Variants in CNNM3 observed in about 807,000 individuals in gnomAD.
The protein encoded by CNNM3 is cyclin and CBS domain divalent metal cation transport mediator 3.
Under a neutral mutation model 57.1 loss-of-function variants are expected in CNNM3, and 47 were observed. The ratio of observed to expected loss-of-function variants is 0.82; its 90% confidence interval spans 0.65 to 1.05. CNNM3 has a LOEUF of 1.05. Ranked by LOEUF, CNNM3 falls within the 50% of genes least tolerant of loss-of-function variation. The probability of loss-of-function intolerance (pLI) is 0.00; values close to 1 mark genes in which losing one functional copy is unlikely to be tolerated. For synonymous variants in CNNM3, 507 were observed against 478.2 expected, an observed-to-expected ratio of 1.06 and a Z score of -0.79; for missense variants, 957 against 973.7, an observed-to-expected ratio of 0.98 and a Z score of 0.23.
chr2:96,835,199 G>A lies in CNNM3; in HGVS notation c.*2583G>A, dbSNP rs77466423. On this transcript the variant is annotated 3_prime_UTR_variant, in exon 8 of 8. Transcript: ENST00000305510. ...ATGGGAGCATAGTGTGTAAGCATTCGGGATTGTCTTTTTTCACTCGGCGTC... is the reference window on the plus strand; with the variant it reads ...ATGGGAGCATAGTGTGTAAGCATTCAGGATTGTCTTTTTTCACTCGGCGTC... Among the ~76,000 whole-genome samples, 4,754 of 152,172 alleles carry A rather than the reference G, an allele frequency of 0.031. 259 individuals are homozygous for A. Among genetic ancestry groups the A allele is most frequent in the African/African-American group, 0.11 (4,558 of 41,488 alleles).
intron 1 of CNNM3, among the ~76,000 whole-genome samples, chr2:96,823,946 T>C (rs2079450958): frequency 6.6e-6 from 1 of 152,382 alleles, no homozygotes; most frequent in South Asian, 2.1e-4. Context: ...GAGTGCAACA[T>C]AGACAAAATG....
intron 7 of CNNM3, among the ~76,000 whole-genome samples, chr2:96,831,135 T>C (rs1048674791): frequency 1.3e-5 from 2 of 152,218 alleles, no homozygotes; most frequent in African/African-American, 4.8e-5. Context: ...AGTGGCTTTG[T>C]GGGTCATTTC....
Position 96,832,807 on chromosome 2 carries a change from C to T in CNNM3, c.*191C>T. ...CCTGGATCCTTCAGCCGGCCCTGCC[C>T]TCCTTTAGGAGACAGGAGTCACCAG... On this transcript the variant is annotated 3_prime_UTR_variant, in exon 8 of 8. Coordinates refer to ENST00000305510, the MANE Select transcript of CNNM3 (RefSeq NM_017623.5). 1 of 1,504,236 alleles carries T rather than the reference C, an allele frequency of 6.6e-7. No homozygotes were observed. Among genetic ancestry groups the T allele is most frequent in the Non-Finnish European group, 8.9e-7 (1 of 1,127,740 alleles). 93.2% of individuals were successfully genotyped at this position (1,504,236 alleles called of 1,614,324 possible).
intron 5 of CNNM3, 178 bp downstream of exon 5, chr2:96,828,373 A>G (rs1470252640): frequency 4.8e-6 from 4 of 835,362 alleles, no homozygotes; most frequent in South Asian, 3.4e-5. Context: ...TCATCGCTCA[A>G]CTTTGTGGCC....
intron 2 of CNNM3, among the ~76,000 whole-genome samples, chr2:96,825,994 GTC>G (rs1398217516): frequency 6.6e-6 from 1 of 152,010 alleles, no homozygotes; most frequent in East Asian, 1.9e-4. Context: ...GCTGTACAGA[GTC>G]TGTGCGTCAT....
At chr2:96,828,389 C>G in intron 5 of CNNM3, 178 bp from the exon 6 acceptor site, 2 of 883,712 alleles carry the variant, frequency 2.3e-6, no homozygotes, top group South Asian at 3.4e-5. Context: ...TGGCCCACTC[C>G]ACCCCTGCAA....
At chr2:96,819,976 C>T (rs1235565817) in intron 1 of CNNM3, among the ~76,000 whole-genome samples, 3 of 152,126 alleles carry the variant, frequency 2.0e-5, no homozygotes, top group Admixed American at 1.3e-4. Flanking sequence ...TGTTCATGTT[C>T]GTTGGGAAGG....
chr2:96,817,075 T>C lies in CNNM3; in HGVS notation c.798T>C (p.Thr266=), dbSNP rs1574096644. The part of the protein sequence containing the change: ...LGLSRLAVLL[T]LPVALPVGQL... ...TCAGCCGCCTGGCCGTCCTGCTCACTCTGCCCGTCGCGCTGCCCGTGGGGC... is the reference window on the plus strand; with the variant it reads ...TCAGCCGCCTGGCCGTCCTGCTCACCCTGCCCGTCGCGCTGCCCGTGGGGC... The change falls in exon 1 of 8, where the codon ACT becomes ACC. Residue 266 remains threonine, a synonymous_variant. Coordinates refer to ENST00000305510, the MANE Select transcript of CNNM3 (RefSeq NM_017623.5). The C allele has an allele frequency of 2.2e-6, 3 of 1,357,708 alleles. No homozygotes were observed. The East Asian group carries it at 9.5e-5, about 43-fold the overall frequency. 84.1% of individuals were successfully genotyped at this position (1,357,708 alleles called of 1,614,324 possible).
chr2:96,831,387 A>G (rs961264250), intron 7 of CNNM3, among the ~76,000 whole-genome samples: 5 of 152,158 alleles, frequency 3.3e-5, no homozygotes, highest in South Asian at 2.1e-4. Flanking sequence ...GTTTCTGGAG[A>G]CCTTGGCACT....
chr2:96,816,932 C>T lies in CNNM3; in HGVS notation c.655C>T (p.Gln219Ter). Residue 219 changes from glutamine to a stop codon, truncating the protein, a stop_gained, in exon 1 of 8, where the codon CAG (glutamine) becomes TAG (stop). Transcript: ENST00000305510. LOFTEE classifies it high-confidence loss of function. ...LAVLLYRAAG[Q>*]RAVPAVLGSA... Reference sequence around the variant, plus strand: ...GGTGCTGCTGTACCGCGCGGCCGGCCAGCGTGCGGTGCCCGCCGTGTTGGG... The same window carrying T: ...GGTGCTGCTGTACCGCGCGGCCGGCTAGCGTGCGGTGCCCGCCGTGTTGGG... 8.2e-7 allele frequency: 1 copy of T among 1,219,452 alleles called. No homozygotes were observed. Among genetic ancestry groups the T allele is most frequent in the Non-Finnish European group, 1.0e-6 (1 of 978,904 alleles). 75.5% of individuals were successfully genotyped at this position (1,219,452 alleles called of 1,614,324 possible).
At chr2:96,828,310 C>A in intron 5 of CNNM3, 115 bp downstream of exon 5, 4 of 942,650 alleles carry the variant, frequency 4.2e-6, no homozygotes, top group Non-Finnish European at 6.5e-6. Flanking sequence ...CTGAGCCCAC[C>A]ACCCCACAAG....
At position 96,826,954 on chromosome 2, in the gene CNNM3, C is replaced by T. The variant is rs1204212163; in HGVS notation, c.1491C>T (p.Leu497=). 6.8e-6 allele frequency: 11 copies of T among 1,614,224 alleles called. No individual in the cohort carries two copies. The highest frequency in any genetic ancestry group is 3.3e-5 in the South Asian group (3 of 91,086). Residue 497 remains leucine (L), a synonymous_variant, in exon 3 of 8, where the codon CTC becomes CTT. Transcript: ENST00000305510. ...AAGTAACAATCTCGCCTCAGCTGCT[C>T]TTGGCCACCCAGCGCTTCCTGTCCC... ...EYKVTISPQL[L]LATQRFLSRE...
chr2:96,832,247 A>G (rs1460905638), intron 7 of CNNM3: 1 of 985,182 alleles, frequency 1.0e-6, no homozygotes, highest in Non-Finnish European at 1.2e-6. Context: ...CACTGTGGAA[A>G]ATGGTGCTTC....
At chr2:96,820,646 A>G (rs1272232895) in intron 1 of CNNM3, among the ~76,000 whole-genome samples, 2 of 152,196 alleles carry the variant, frequency 1.3e-5, no homozygotes, top group African/African-American at 4.8e-5. Flanking sequence ...AGAGGAGGCC[A>G]GCAAACAGGA....
chr2:96,831,707 C>T (rs867985325), intron 7 of CNNM3, among the ~76,000 whole-genome samples: 3 of 152,190 alleles, frequency 2.0e-5, no homozygotes, highest in South Asian at 4.1e-4. Context: ...AGGTCCTCCA[C>T]GTCAGTTCTT....
In CNNM3 at chr2:96,817,355, G is replaced by T. The variant is rs1255653165; in HGVS notation, c.1078G>T (p.Val360Leu). The T allele has an allele frequency of 1.2e-6, 2 of 1,614,042 alleles. No homozygotes were observed. Among genetic ancestry groups the T allele is most frequent in the East Asian group, 4.5e-5 (2 of 44,888 alleles). ...PVYEEERSNI[V>L]DMLYLKDLAF... ...GTACGAGGAGGAGCGCTCCAACATC[G>T]TGGACATGCTCTACCTCAAGGACTT... Residue 360 changes from valine to leucine, a missense_variant, in exon 1 of 8, where the codon GTG (valine) becomes TTG (leucine). By Grantham distance (32) the Val-to-Leu change is conservative. Coordinates refer to ENST00000305510, the MANE Select transcript of CNNM3 (RefSeq NM_017623.5).
chr2:96,836,147 A>G (rs1425806444), downstream of CNNM3, among the ~76,000 whole-genome samples: 1 of 142,636 alleles, frequency 7.0e-6, no homozygotes, highest in Non-Finnish European at 1.5e-5. Flanking sequence ...GCAGTGGCAC[A>G]ATCTTGGCTC....
Position 96,832,890 on chromosome 2 carries a change from T to G in CNNM3, c.*274T>G. ...ATGAAAGGAATGCCATCATCTCTAG[T>G]TCCCAGGGCCCAGCCTTCCCCTTCT... On this transcript the variant is annotated 3_prime_UTR_variant, in exon 8 of 8. Transcript: ENST00000305510. 4 of 1,458,740 alleles carry G rather than the reference T, an allele frequency of 2.7e-6. No homozygotes were observed. Among genetic ancestry groups the G allele is most frequent in the East Asian group, 2.9e-5 (1 of 34,134 alleles). 90.4% of individuals were successfully genotyped at this position (1,458,740 alleles called of 1,614,324 possible).
downstream of CNNM3, among the ~76,000 whole-genome samples, chr2:96,836,084 C>CCT (rs989667392): frequency 6.8e-6 from 1 of 147,662 alleles, no homozygotes; most frequent in African/African-American, 2.6e-5. Context: ...CTCCCCCTCC[C>CCT]CCCCTTTTTT....
Sources: allele counts gnomAD v4.1 joint callset (sites outside exome capture counted in the v4.1 genomes callset), GRCh38; gene constraint gnomAD v4.1.1; transcripts MANE v1.5; gene names NCBI Gene and HGNC (gene_info 2026-07-23, HGNC 2026-07-21).